The following CHSY1 variants were observed in gnomAD, a reference collection of about 807,000 sequenced individuals.
CHSY1 encodes the protein N-acetylgalactosaminyl-proteoglycan 3-beta-glucuronosyltransferase 1.
A neutral mutation model predicts 59.8 loss-of-function variants in CHSY1; 13 were observed. The observed-to-expected ratio is 0.22, with a 90% CI of 0.14 to 0.35. The LOEUF (loss-of-function observed/expected upper bound fraction) is 0.35, where lower values mean the gene tolerates loss of function less well. Ranked by LOEUF, CHSY1 falls within the 10% of genes least tolerant of loss-of-function variation. The probability of loss-of-function intolerance (pLI) is 1.00; values close to 1 mark genes in which losing one functional copy is unlikely to be tolerated. For synonymous variants in CHSY1, 459 were observed against 401.2 expected, an observed-to-expected ratio of 1.14 and a Z score of -1.72; for missense variants, 947 against 1,030.6, an observed-to-expected ratio of 0.92 and a Z score of 1.11.
intron 2 of CHSY1, among the ~76,000 whole-genome samples, chr15:101,197,827 T>G (rs980248768): frequency 6.6e-6 from 1 of 152,160 alleles, no homozygotes; most frequent in Non-Finnish European, 1.5e-5. Flanking sequence ...TTAAACTACA[T>G]TGTGCAATAG....
chr15:101,241,878 A>AC (rs1204007426), intron 1 of CHSY1, among the ~76,000 whole-genome samples: 1 of 152,198 alleles, frequency 6.6e-6, no homozygotes, highest in East Asian at 1.9e-4. Flanking sequence ...CCCAAAATCC[A>AC]CAGACGCTTT....
chr15:101,245,223 T>C (rs890618752), intron 1 of CHSY1, among the ~76,000 whole-genome samples: 14 of 152,266 alleles, frequency 9.2e-5, no homozygotes, highest in Admixed American at 3.9e-4. Context: ...CCCACCACTC[T>C]ACCACCCACA....
In CHSY1 at chr15:101,177,303, T is replaced by A. The variant is rs2038204023; in HGVS notation, c.*85A>T. The A allele has an allele frequency of 1.2e-5, 15 of 1,300,800 alleles. No homozygotes were observed. Among genetic ancestry groups the A allele is most frequent in the Non-Finnish European group, 1.6e-5 (15 of 935,226 alleles). The allele number at this position is 1,300,800 out of a possible 1,614,324, so 80.6% of individuals were successfully genotyped here. On this transcript the variant is annotated 3_prime_UTR_variant, in exon 3 of 3. Coordinates refer to ENST00000254190, the MANE Select transcript of CHSY1 (RefSeq NM_014918.5). Reference sequence around the variant, plus strand: ...ACCACTTGTAAAATATATCCTTGTATACGGACTTCAAAAACTGATCATACA... The same window carrying A: ...ACCACTTGTAAAATATATCCTTGTAAACGGACTTCAAAAACTGATCATACA...
chr15:101,178,144 C>T lies in CHSY1; in HGVS notation c.1653G>A (p.Met551Ile), dbSNP rs1041160406. Residue 551 changes from methionine to isoleucine, a missense_variant, in exon 3 of 3, where the codon ATG (methionine) becomes ATA (isoleucine). By Grantham distance (10) the Met-to-Ile change is conservative (BLOSUM62 1). This residue lies in a region of CHSY1 where 602 missense variants were observed against 676.9 expected (regional missense o/e 0.89). Coordinates refer to ENST00000254190, the MANE Select transcript of CHSY1 (RefSeq NM_014918.5). The part of the protein sequence containing the change: ...SGRFDMFVRF[M>I]GNFEKTCLIP... ...TAAGACACGTCTTCTCAAAGTTTCC[C>T]ATAAATCTCACAAACATGTCGAAAC... is the stretch of plus-strand genomic sequence containing the variant. 6.2e-7 allele frequency: 1 copy of T among 1,614,070 alleles called. No homozygotes were observed. The highest frequency in any genetic ancestry group is 8.5e-7 in the Non-Finnish European group (1 of 1,180,030).
intron 2 of CHSY1, chr15:101,186,748 G>A (rs995604349): frequency 6.6e-6 from 1 of 152,210 alleles, no homozygotes. Flanking sequence ...GCTGCAGTGA[G>A]CCATGATCGC....
intron 2 of CHSY1, among the ~76,000 whole-genome samples, chr15:101,220,930 C>T (rs112312867): frequency 0.035 from 5,380 of 152,216 alleles, 243 homozygotes; most frequent in African/African-American, 0.1. Flanking sequence ...CTCCATCAGT[C>T]GACCGCCTTA....
At chr15:101,243,217 T>A (rs1166058412) in intron 1 of CHSY1, among the ~76,000 whole-genome samples, 3 of 152,174 alleles carry the variant, frequency 2.0e-5, no homozygotes, top group Non-Finnish European at 4.4e-5. Flanking sequence ...TAGGCCACTT[T>A]TGAAACATCA....
chr15:101,200,090 A>G (rs890530204), intron 2 of CHSY1, among the ~76,000 whole-genome samples: 1 of 152,232 alleles, frequency 6.6e-6, no homozygotes, highest in Non-Finnish European at 1.5e-5. Flanking sequence ...ATATTCTACA[A>G]CATAAAATAA....
chr15:101,208,906 C>A (rs556793297), intron 2 of CHSY1, among the ~76,000 whole-genome samples: 21 of 152,172 alleles, frequency 1.4e-4, no homozygotes, highest in Non-Finnish European at 2.6e-4. Context: ...CTTTTCCTTA[C>A]TTTCAACTAA....
intron 2 of CHSY1, among the ~76,000 whole-genome samples, chr15:101,199,978 G>C: frequency 6.6e-6 from 1 of 152,154 alleles, no homozygotes; most frequent in East Asian, 1.9e-4. Context: ...CTGAAGCATC[G>C]TTCTGAATAA....
At chr15:101,186,055 A>G (rs2038358556) in intron 2 of CHSY1, among the ~76,000 whole-genome samples, 1 of 150,740 alleles carries the variant, frequency 6.6e-6, no homozygotes, top group African/African-American at 2.4e-5. Context: ...CTGACCCTTA[A>G]GTAGTATAGT....
chr15:101,187,375 A>G (rs2038384508), intron 2 of CHSY1, among the ~76,000 whole-genome samples: 1 of 151,974 alleles, frequency 6.6e-6, no homozygotes, highest in Non-Finnish European at 1.5e-5. Context: ...GCTACTCGGG[A>G]GGGTGAGGTG....
chr15:101,183,583 A>G (rs1218003016), intron 2 of CHSY1, among the ~76,000 whole-genome samples: 1 of 152,242 alleles, frequency 6.6e-6, no homozygotes, highest in Non-Finnish European at 1.5e-5. Flanking sequence ...CTACTGAAGG[A>G]TATGTTCCTC....
chr15:101,207,659 T>G (rs577781210), intron 2 of CHSY1, among the ~76,000 whole-genome samples: 7 of 152,134 alleles, frequency 4.6e-5, no homozygotes, highest in African/African-American at 1.4e-4. Context: ...AGAAAATAGA[T>G]CTTCCAGAAT....
At chr15:101,192,699 T>TCACAGATTCTTTCCACACA (rs2038459703) in intron 2 of CHSY1, among the ~76,000 whole-genome samples, 1 of 152,116 alleles carries the variant, frequency 6.6e-6, no homozygotes, top group African/African-American at 2.4e-5. Flanking sequence ...AAGGCAGGTC[T>TCACAGATTCTTTCCACACA]CACAGCACAC....
intron 2 of CHSY1, among the ~76,000 whole-genome samples, chr15:101,232,612 T>C (rs2038902506): frequency 6.6e-6 from 1 of 152,076 alleles, no homozygotes; most frequent in Non-Finnish European, 1.5e-5. Context: ...CAAACCGTAA[T>C]GGAAAAGAAT....
intron 2 of CHSY1, among the ~76,000 whole-genome samples, chr15:101,202,513 G>A (rs1448565113): frequency 2.9e-5 from 3 of 102,518 alleles, no homozygotes; most frequent in Admixed American, 1.9e-4. Context: ...AGAGGCTGCA[G>A]GGAAGGATGG....
chr15:101,239,401 C>T (rs923397623), intron 1 of CHSY1, among the ~76,000 whole-genome samples: 2 of 152,174 alleles, frequency 1.3e-5, no homozygotes, highest in African/African-American at 2.4e-5. Flanking sequence ...ACTAAGGAGG[C>T]GAATCTACAG....
rs2038190351 is a variant in CHSY1, at chr15:101,176,492, T to C, written c.*896A>G. On this transcript the variant is annotated 3_prime_UTR_variant, in exon 3 of 3. Coordinates refer to ENST00000254190, the MANE Select transcript of CHSY1 (RefSeq NM_014918.5). The stretch of plus-strand genomic sequence containing the variant: ...AAGAAGAGAAAATGCCAAATCCTTC[T>C]TGAAATTTAATGCCAGGTCTATTTA... 2 of 398,200 alleles carry C rather than the reference T, an allele frequency of 5.0e-6. No homozygotes were observed. Among genetic ancestry groups the C allele is most frequent in the African/African-American group, 2.1e-5 (1 of 48,616 alleles). The allele number at this position is 398,200 out of a possible 1,614,324, so 24.7% of individuals were successfully genotyped here.
Sources: gnomAD v4.1 joint callset for allele counts (sites outside exome capture counted in the v4.1 genomes callset) on GRCh38, gnomAD v4.1.1 for gene constraint, gnomAD v4.1.1 regional missense constraint, MANE v1.5 for transcripts, NCBI Gene and HGNC (gene_info 2026-07-23, HGNC 2026-07-21) for gene names.